The following LYPLAL1 variants were observed in gnomAD, a reference collection of about 807,000 sequenced individuals.
LYPLAL1 encodes lysophospholipase-like protein 1.
Under a neutral mutation model 19.7 loss-of-function variants are expected in LYPLAL1, and 23 were observed. That is an observed-to-expected ratio of 1.17 (90% CI 0.84 to 1.65). The LOEUF is 1.65. Ranked by LOEUF, LYPLAL1 falls within the 40% of genes most tolerant of loss-of-function variation. LYPLAL1 has a pLI of 0.00. For synonymous variants in LYPLAL1, 119 were observed against 96.3 expected (o/e 1.24, Z -1.38); for missense variants, 355 against 279.4 (o/e 1.27, Z -1.93).
the LYPLAL1 span, among the ~76,000 whole-genome samples, chr1:219,218,302 T>C: frequency 6.6e-6 from 1 of 152,132 alleles, no homozygotes; most frequent in South Asian, 2.1e-4. Flanking sequence ...CTTCATTAGA[T>C]GAAAAAAATT....
chr1:219,407,373 T>C, the LYPLAL1 span, among the ~76,000 whole-genome samples: 1 of 152,174 alleles, frequency 6.6e-6, no homozygotes, highest in Non-Finnish European at 1.5e-5. Context: ...TTGTTTACTA[T>C]AGGAAGTTAA....
the LYPLAL1 span, among the ~76,000 whole-genome samples, chr1:219,226,526 T>C: frequency 6.6e-6 from 1 of 151,756 alleles, no homozygotes; most frequent in Non-Finnish European, 1.5e-5. Flanking sequence ...GCACATCAAA[T>C]AGATAGCTGC....
the LYPLAL1 span, among the ~76,000 whole-genome samples, chr1:219,379,166 T>C: frequency 6.6e-6 from 1 of 152,248 alleles, no homozygotes; most frequent in South Asian, 2.1e-4. Flanking sequence ...TTTTGGTGAC[T>C]TCTGTTAACC....
At chr1:219,313,148 G>A in the LYPLAL1 span, among the ~76,000 whole-genome samples, 1 of 151,950 alleles carries the variant, frequency 6.6e-6, no homozygotes, top group African/African-American at 2.4e-5. Flanking sequence ...GCCATGTGCT[G>A]TGACCCTTGG....
the LYPLAL1 span, among the ~76,000 whole-genome samples, chr1:219,393,871 C>T: frequency 2.0e-5 from 3 of 151,138 alleles, no homozygotes; most frequent in Non-Finnish European, 2.9e-5. Context: ...TATAAAAAGA[C>T]TAAAGATATT....
At chr1:219,438,826 C>T in the LYPLAL1 span, among the ~76,000 whole-genome samples, 1 of 152,154 alleles carries the variant, frequency 6.6e-6, no homozygotes. Context: ...TTCTAGGCCA[C>T]TGTTGATAAC....
At chr1:219,239,156 A>C in the LYPLAL1 span, among the ~76,000 whole-genome samples, 2 of 152,218 alleles carry the variant, frequency 1.3e-5, no homozygotes, top group African/African-American at 4.8e-5. Context: ...TTCAGGATTT[A>C]CTTTGTGTCA....
chr1:219,236,924 G>C, the LYPLAL1 span, among the ~76,000 whole-genome samples: 1 of 151,952 alleles, frequency 6.6e-6, no homozygotes, highest in East Asian at 1.9e-4. Context: ...CCCCTTGACA[G>C]GCCCCAGTGT....
the LYPLAL1 span, among the ~76,000 whole-genome samples, chr1:219,220,661 A>G: frequency 3.3e-5 from 5 of 152,168 alleles, no homozygotes; most frequent in African/African-American, 7.2e-5. Context: ...ACAGCCAGAC[A>G]TGACATTTCT....
the LYPLAL1 span, among the ~76,000 whole-genome samples, chr1:219,279,114 CA>C: frequency 3.9e-5 from 6 of 152,120 alleles, 1 homozygote; most frequent in Non-Finnish European, 8.8e-5. Context: ...TGGAAAAAAG[CA>C]TGAAGGGCTC....
At chr1:219,227,460 T>G in the LYPLAL1 span, among the ~76,000 whole-genome samples, 1 of 152,228 alleles carries the variant, frequency 6.6e-6, no homozygotes, top group East Asian at 1.9e-4. Context: ...AGGTTATTTT[T>G]GCATCTTTTT....
the LYPLAL1 span, among the ~76,000 whole-genome samples, chr1:219,246,095 A>G: frequency 0.47 from 70,668 of 151,812 alleles, 16,820 homozygotes; most frequent in East Asian, 0.66. Flanking sequence ...GATTTTCTGC[A>G]AAACTTCTGT....
chr1:219,401,234 T>A, the LYPLAL1 span, among the ~76,000 whole-genome samples: 4 of 151,938 alleles, frequency 2.6e-5, no homozygotes, highest in Non-Finnish European at 5.9e-5. Flanking sequence ...GTTTATTTAT[T>A]TGGCAAAACT....
chr1:219,189,972 T>G (rs541769284), intron 2 of LYPLAL1, among the ~76,000 whole-genome samples: 1 of 151,420 alleles, frequency 6.6e-6, no homozygotes, highest in African/African-American at 2.4e-5. Flanking sequence ...TTACACAACT[T>G]CAAAATATGC....
At chr1:219,262,637 G>A in the LYPLAL1 span, among the ~76,000 whole-genome samples, 1 of 152,174 alleles carries the variant, frequency 6.6e-6, no homozygotes, top group African/African-American at 2.4e-5. Context: ...GGGCTACCAG[G>A]CTCTGAGCTG....
At chr1:219,229,352 G>A in the LYPLAL1 span, among the ~76,000 whole-genome samples, 20,379 of 147,248 alleles carry the variant, frequency 0.14, 1,580 homozygotes, top group East Asian at 0.26. Flanking sequence ...GCAGGCTACC[G>A]AACAGCAGAA....
chr1:219,421,406 G>T, the LYPLAL1 span, among the ~76,000 whole-genome samples: 1 of 152,308 alleles, frequency 6.6e-6, no homozygotes, highest in South Asian at 2.1e-4. Flanking sequence ...GTCAGCCGAA[G>T]TTGCATTCAT....
At chr1:219,219,516 T>C in the LYPLAL1 span, among the ~76,000 whole-genome samples, 4 of 152,210 alleles carry the variant, frequency 2.6e-5, no homozygotes, top group African/African-American at 9.6e-5. Context: ...GGCCATCTGG[T>C]AAGCCTTTGA....
the LYPLAL1 span, among the ~76,000 whole-genome samples, chr1:219,429,278 T>C: frequency 6.6e-6 from 1 of 152,312 alleles, no homozygotes; most frequent in East Asian, 1.9e-4. Flanking sequence ...TGTGAGAATA[T>C]ATGAGTCATC....
Sources: gnomAD v4.1 joint callset for allele counts (sites outside exome capture counted in the v4.1 genomes callset) on GRCh38, gnomAD v4.1.1 for gene constraint, MANE v1.5 for transcripts, NCBI Gene and HGNC (gene_info 2026-07-23, HGNC 2026-07-21) for gene names.